COL18A1: variants seen among roughly 807,000 people sequenced by gnomAD.
COL18A1 encodes the protein collagen type XVIII alpha 1 chain.
Under a neutral mutation model 168.0 loss-of-function variants are expected in COL18A1, and 133 were observed. That is an observed-to-expected ratio of 0.79 (90% CI 0.69 to 0.91). COL18A1 has a LOEUF of 0.91. COL18A1 is among the 40% of genes least tolerant of loss of function. COL18A1 has a pLI of 0.00. For synonymous variants in COL18A1, 949 were observed against 809.0 expected (o/e 1.17, Z -2.94); for missense variants, 2,126 against 1,925.4 (o/e 1.10, Z -1.95).
chr21:45,492,732 G>A lies in COL18A1; in HGVS notation c.2214+19G>A, dbSNP rs1434962418. 3.9e-6 allele frequency: 5 copies of A among 1,278,106 alleles called. No homozygotes were observed. Among genetic ancestry groups the A allele is most frequent in the Admixed American group, 1.9e-5 (1 of 52,272 alleles). The allele number at this position is 1,278,106 out of a possible 1,614,324, so 79.2% of individuals were successfully genotyped here. The stretch of plus-strand genomic sequence containing the variant: ...CTTTCCCGTGAGTAACCTGGTGCCA[G>A]AGCTGCATGCTGCCCGGCTGGGGAG... On this transcript the variant is annotated intron_variant, in intron 24 of 41. Transcript: ENST00000651438.
At chr21:45,494,356 C>G in intron 26 of COL18A1, 189 bp from the exon 27 acceptor site, 1 of 736,846 alleles carries the variant, frequency 1.4e-6, no homozygotes, top group Non-Finnish European at 2.3e-6. Flanking sequence ...GGCTCCTGTC[C>G]TCCCCAGGGC....
chr21:45,455,106 T>G (rs2034749302), intron 2 of COL18A1, among the ~76,000 whole-genome samples: 1 of 152,246 alleles, frequency 6.6e-6, no homozygotes, highest in Admixed American at 6.5e-5. Flanking sequence ...CAGGCGCCTC[T>G]GGGCGTTCCA....
At chr21:45,455,345 G>A (rs962659106) in intron 2 of COL18A1, 37 of 763,700 alleles carry the variant, frequency 4.8e-5, no homozygotes, top group South Asian at 2.7e-4. Context: ...TGGAACCCCC[G>A]GGTGCTGGGC....
At chr21:45,467,254 T>C (rs2035245368) in intron 2 of COL18A1, 2 of 985,300 alleles carry the variant, frequency 2.0e-6, no homozygotes, top group African/African-American at 1.7e-5. Flanking sequence ...CGTCCTGGCT[T>C]GGGCTCCCTG....
intron 29 of COL18A1, chr21:45,495,907 T>C (rs193256452): frequency 6.9e-4 from 218 of 316,304 alleles, no homozygotes; most frequent in African/African-American, 4.4e-3. Context: ...GAGCCCTCCC[T>C]GGCCCATTCC....
At chr21:45,459,179 C>T (rs2034956852) in intron 2 of COL18A1, among the ~76,000 whole-genome samples, 1 of 152,174 alleles carries the variant, frequency 6.6e-6, no homozygotes, top group Non-Finnish European at 1.5e-5. Flanking sequence ...GGGTCCTGCC[C>T]CCTCTTCTGG....
At chr21:45,407,195 G>T (rs569299024) in intron 2 of COL18A1, among the ~76,000 whole-genome samples, 1 of 152,384 alleles carries the variant, frequency 6.6e-6, no homozygotes, top group Non-Finnish European at 1.5e-5. Flanking sequence ...CCCTTTAGGG[G>T]TTATTGGAGA....
At chr21:45,496,385 C>T (rs1267726131) in intron 29 of COL18A1, 115 bp from the exon 30 acceptor site, 2 of 773,036 alleles carry the variant, frequency 2.6e-6, no homozygotes, top group East Asian at 2.5e-5. Context: ...TTTGCCTGGT[C>T]AGAGGTCTGC....
At chr21:45,444,648 C>T (rs1338704067) in intron 2 of COL18A1, among the ~76,000 whole-genome samples, 2 of 151,998 alleles carry the variant, frequency 1.3e-5, no homozygotes, top group Admixed American at 6.6e-5. Context: ...GAGAGAGGCT[C>T]CGGGGAGTGG....
At chr21:45,469,666 C>A (rs1438272773) in intron 3 of COL18A1, among the ~76,000 whole-genome samples, 1 of 152,244 alleles carries the variant, frequency 6.6e-6, no homozygotes, top group Non-Finnish European at 1.5e-5. Flanking sequence ...GTGACCTCAG[C>A]TGGCACTGTC....
In COL18A1 at chr21:45,482,103, C is replaced by T. The variant is rs115800226; in HGVS notation, c.1674+78C>T. 2.8e-3 allele frequency: 3,320 copies of T among 1,169,274 alleles called. 69 individuals carry two copies. In the African/African-American group the frequency reaches 0.044, roughly 16 times the overall value. 72.4% of individuals were successfully genotyped at this position (1,169,274 alleles called of 1,614,324 possible). A position where few individuals can be genotyped will look rare whatever the true frequency, so the allele number is the denominator to read the frequency against. ...GCCCGGGTCCGGGGGTGCCTGGTGACGCCCGTGAAGGGGAAATGCCAGGAA... is the reference window on the plus strand; with the variant it reads ...GCCCGGGTCCGGGGGTGCCTGGTGATGCCCGTGAAGGGGAAATGCCAGGAA... On this transcript the variant is annotated intron_variant, in intron 14 of 41. Transcript: ENST00000651438.
chr21:45,500,024 C>T (rs539331402), intron 32 of COL18A1, among the ~76,000 whole-genome samples: 4 of 152,206 alleles, frequency 2.6e-5, no homozygotes, highest in East Asian at 1.9e-4. Flanking sequence ...AGACGCTCCC[C>T]GAACGTGAGG....
chr21:45,498,273 C>T lies in COL18A1; in HGVS notation c.2683+612C>T. On this transcript the variant is annotated intron_variant, in intron 32 of 41. Transcript: ENST00000651438. This position sits in a 1 kb window ranked among gnomAD's most constrained non-coding sequence, Gnocchi z 4.5. ...CAGAAGCCCAGAGAGCCAGGCTAGC[C>T]TCGGGCGCCTTTCACCACCAGGGTC... The T allele has an allele frequency of 1.4e-6, 1 of 707,096 alleles. No individual in the cohort carries two copies. Among genetic ancestry groups the T allele is most frequent in the East Asian group, 2.7e-5 (1 of 37,258 alleles). The allele number at this position is 707,096 out of a possible 1,614,324, so 43.8% of individuals were successfully genotyped here. A position where few individuals can be genotyped will look rare whatever the true frequency, so the allele number is the denominator to read the frequency against.
At chr21:45,460,018 C>G (rs1050733871) in intron 2 of COL18A1, among the ~76,000 whole-genome samples, 1 of 152,182 alleles carries the variant, frequency 6.6e-6, no homozygotes, top group African/African-American at 2.4e-5. Context: ...TACAGGCAAG[C>G]ATCCTCTGAC....
intron 2 of COL18A1, among the ~76,000 whole-genome samples, chr21:45,467,607 G>A (rs1217848303): frequency 2.6e-5 from 4 of 152,226 alleles, no homozygotes; most frequent in African/African-American, 9.6e-5. Flanking sequence ...AACCCCAGCT[G>A]AGGCAGCCAC....
intron 5 of COL18A1, among the ~76,000 whole-genome samples, chr21:45,475,792 C>T (rs991751073): frequency 6.6e-6 from 1 of 152,268 alleles, no homozygotes; most frequent in Non-Finnish European, 1.5e-5. Flanking sequence ...TCCTGCCCTG[C>T]ACACTCCTTG....
At position 45,468,318 on chromosome 21, in the gene COL18A1, C is replaced by T. The variant is rs2035289975; in HGVS notation, c.183C>T (p.Asp61=). Residue 61 remains aspartate (D), a synonymous_variant, in exon 3 of 42, where the codon GAC becomes GAT. Transcript: ENST00000651438. Reference sequence around the variant, plus strand: ...CCCAGCAGGTCACCCAGACGGATGACCCCGACGTCGGGCTGGCCTACGTCT... The same window carrying T: ...CCCAGCAGGTCACCCAGACGGATGATCCCGACGTCGGGCTGGCCTACGTCT... ...PPPQQVTQTD[D]PDVGLAYVFG... The T allele has an allele frequency of 6.2e-6, 10 of 1,613,442 alleles. No homozygotes were observed. The highest frequency in any genetic ancestry group is 8.5e-6 in the Non-Finnish European group (10 of 1,180,046).
intron 22 of COL18A1, among the ~76,000 whole-genome samples, chr21:45,491,976 G>A (rs772969238): frequency 2.0e-4 from 31 of 152,204 alleles, no homozygotes; most frequent in Non-Finnish European, 3.2e-4. Flanking sequence ...GGGGCTGCCC[G>A]GGGCAGAGCT....
chr21:45,422,576 C>T (rs371332266), intron 2 of COL18A1: 14 of 486,322 alleles, frequency 2.9e-5, no homozygotes, highest in Non-Finnish European at 4.3e-5. Context: ...TGTGAGTCGC[C>T]GTCCTGTGCG....
Sources: gnomAD v4.1 joint callset for allele counts (sites outside exome capture counted in the v4.1 genomes callset) on GRCh38, gnomAD v4.1.1 for gene constraint, Gnocchi (gnomAD v3.1) non-coding constraint, MANE v1.5 for transcripts, NCBI Gene and HGNC (gene_info 2026-07-23, HGNC 2026-07-21) for gene names.